Variants in ADNP observed in about 807,000 individuals in gnomAD.
ADNP encodes the protein activity-dependent neuroprotector homeobox protein.
ADNP carries 4 observed loss-of-function variants against 84.9 expected under a neutral mutation model. The ratio of observed to expected loss-of-function variants is 0.05; its 90% confidence interval spans 0.02 to 0.11. The LOEUF (loss-of-function observed/expected upper bound fraction) is 0.11. Among genes scored for constraint, ADNP ranks in the 10% least tolerant of loss-of-function variants. ADNP has a pLI of 1.00. For missense variants in ADNP, 1,132 were observed against 1,326.0 expected, an observed-to-expected ratio of 0.85 and a Z score of 2.27; for synonymous variants, 554 against 468.1, an observed-to-expected ratio of 1.18 and a Z score of -2.37.
chr20:50,898,116 T>C (rs1461690687), intron 5 of ADNP, among the ~76,000 whole-genome samples: 1 of 152,362 alleles, frequency 6.6e-6, no homozygotes, highest in African/African-American at 2.4e-5. Context: ...TTCAGGCATC[T>C]GTTTCCAGAA....
intron 2 of ADNP, chr20:50,914,389 TAGA>T (rs1983336377): frequency 1.7e-6 from 1 of 587,344 alleles, no homozygotes; most frequent in Admixed American, 2.6e-5. Flanking sequence ...AAGAGAATGG[TAGA>T]AGGTTAAACA....
Position 50,925,736 on chromosome 20 carries a change from G to A in ADNP, c.-90+2915C>T, listed in dbSNP as rs182580376. 1.6e-4 allele frequency among the ~76,000 whole-genome samples: 24 copies of A among 152,328 alleles called. No homozygotes were observed. In the East Asian group the frequency reaches 4.4e-3, roughly 28 times the overall value. Reference sequence around the variant, plus strand: ...AGTTTCCAAACTAACAACATAGAAGGTGTTAACTGGCAGTGAGGTACATCA... The same window carrying A: ...AGTTTCCAAACTAACAACATAGAAGATGTTAACTGGCAGTGAGGTACATCA... On this transcript the variant is annotated intron_variant, in intron 2 of 5. Coordinates refer to ENST00000621696, the MANE Select transcript of ADNP (RefSeq NM_001282531.3).
At chr20:50,926,000 T>C (rs977924669) in intron 2 of ADNP, among the ~76,000 whole-genome samples, 4 of 152,158 alleles carry the variant, frequency 2.6e-5, no homozygotes, top group Non-Finnish European at 5.9e-5. Flanking sequence ...ACTCAGAGGC[T>C]GAGGCAGGAA....
intron 4 of ADNP, among the ~76,000 whole-genome samples, chr20:50,903,569 T>A (rs897249676): frequency 1.3e-5 from 2 of 152,154 alleles, no homozygotes; most frequent in Non-Finnish European, 2.9e-5. Flanking sequence ...ATCTGTGAAG[T>A]GGAGATAAGA....
intron 2 of ADNP, among the ~76,000 whole-genome samples, chr20:50,925,523 A>G (rs1025420789): frequency 6.6e-6 from 1 of 152,170 alleles, no homozygotes; most frequent in Non-Finnish European, 1.5e-5. Flanking sequence ...GGATCAGACA[A>G]ACAACAAAAA....
Position 50,893,587 on chromosome 20 carries a change from C to G in ADNP, c.1127G>C (p.Arg376Thr). The change falls in exon 6 of 6, where the codon AGG becomes ACG. Residue 376 changes from arginine (R) to threonine (T), a missense_variant. Transcript: ENST00000621696. This position sits in a 1 kb window ranked among gnomAD's most constrained non-coding sequence, Gnocchi z 4.4. ...VKQLLPSGNG[R>T]SYGLGSEQRS... ...CTGCTCTGACCCAAGCCCATAAGAC[C>G]TTCCGTTTCCACTTGGAAGTAACTG... 1 of 1,614,160 alleles carries G rather than the reference C, an allele frequency of 6.2e-7. No homozygotes were observed. Among genetic ancestry groups the G allele is most frequent in the East Asian group, 2.2e-5 (1 of 44,890 alleles).
At chr20:50,916,860 A>G (rs1017167294) in intron 2 of ADNP, among the ~76,000 whole-genome samples, 1 of 152,096 alleles carries the variant, frequency 6.6e-6, no homozygotes, top group Non-Finnish European at 1.5e-5. Context: ...AATGAGGGGG[A>G]AAAACAAAAC....
chr20:50,914,732 T>C (rs1166637045), intron 2 of ADNP, among the ~76,000 whole-genome samples: 17 of 152,208 alleles, frequency 1.1e-4, no homozygotes, highest in Admixed American at 5.9e-4. Flanking sequence ...ATAGCTCCAA[T>C]AGCAACAGGC....
chr20:50,902,851 A>G (rs947413271), intron 4 of ADNP, among the ~76,000 whole-genome samples: 1 of 152,188 alleles, frequency 6.6e-6, no homozygotes, highest in African/African-American at 2.4e-5. Context: ...ACAGAGTGCA[A>G]AGTGAATGGA....
chr20:50,906,896 A>T (rs768344916), intron 2 of ADNP, among the ~76,000 whole-genome samples: 10 of 152,144 alleles, frequency 6.6e-5, no homozygotes, highest in Non-Finnish European at 1.2e-4. Flanking sequence ...TGTACCAAAA[A>T]ATGTTATCTT....
intron 1 of ADNP, among the ~76,000 whole-genome samples, chr20:50,929,044 A>G (rs1392109014): frequency 6.6e-6 from 1 of 151,492 alleles, no homozygotes; most frequent in Non-Finnish European, 1.5e-5. Flanking sequence ...GTTTACCAAC[A>G]AGGCTTTGCA....
intron 2 of ADNP, among the ~76,000 whole-genome samples, chr20:50,908,722 T>C (rs917455365): frequency 1.3e-5 from 2 of 151,826 alleles, no homozygotes; most frequent in South Asian, 2.1e-4. Context: ...TGCAGTGAGC[T>C]GAGATCGAGC....
chr20:50,907,861 G>A (rs1376418497), intron 2 of ADNP, among the ~76,000 whole-genome samples: 1 of 151,642 alleles, frequency 6.6e-6, no homozygotes, highest in Non-Finnish European at 1.5e-5. Context: ...GCCTCCCAAA[G>A]TGCTGGGATT....
At chr20:50,905,920 C>T (rs1005041829) in intron 2 of ADNP, among the ~76,000 whole-genome samples, 2 of 152,140 alleles carry the variant, frequency 1.3e-5, no homozygotes, top group African/African-American at 2.4e-5. Flanking sequence ...TAATTTAAAA[C>T]AGTTAGTACA....
At chr20:50,902,675 A>G (rs974027721) in intron 4 of ADNP, among the ~76,000 whole-genome samples, 1 of 152,222 alleles carries the variant, frequency 6.6e-6, no homozygotes, top group African/African-American at 2.4e-5. Flanking sequence ...CCTCCAGACT[A>G]GGAAGATTAA....
In ADNP at chr20:50,913,999, C is replaced by A. The variant is rs116407174; in HGVS notation, c.-89-9150G>T. ...TGGCCAGAATGAGACTGTAAAAGCC[C>A]TTCTGGGAAAAGGTGCTCAAGTGAA... On this transcript the variant is annotated intron_variant, in intron 2 of 5. Transcript: ENST00000621696. 8.9e-3 allele frequency: 6,680 copies of A among 751,596 alleles called. 338 individuals carry two copies. In the African/African-American group the frequency reaches 0.1, roughly 11 times the overall value. The allele number at this position is 751,596 out of a possible 1,614,324, so 46.6% of individuals were successfully genotyped here.
chr20:50,915,485 C>T (rs1000504367), intron 2 of ADNP, among the ~76,000 whole-genome samples: 1 of 152,156 alleles, frequency 6.6e-6, no homozygotes, highest in Non-Finnish European at 1.5e-5. Flanking sequence ...ACAATCACCC[C>T]ACTCAATCTT....
At position 50,893,543 on chromosome 20, in the gene ADNP, T is replaced by C. The variant is rs1981041550; in HGVS notation, c.1171A>G (p.Arg391Gly). Residue 391 changes from arginine to glycine, a missense_variant, in exon 6 of 6, where the codon AGA (arginine) becomes GGA (glycine). Physicochemically the swap from Arg to Gly is moderately radical, Grantham distance 125. Transcript: ENST00000621696. This position sits in a 1 kb window ranked among gnomAD's most constrained non-coding sequence, Gnocchi z 4.4. ...GCATTAGCAGACTGCAGGGAGTATC[T>C]TGCTGGTGCCTGGGACCTCTGCTCT... ...GSEQRSQAPA[R>G]YSLQSANASS... The C allele has an allele frequency of 2.5e-6, 4 of 1,613,984 alleles. No individual in the cohort carries two copies. The highest frequency in any genetic ancestry group is 3.4e-6 in the Non-Finnish European group (4 of 1,180,018).
At chr20:50,911,510 CTT>C (rs371456557) in intron 2 of ADNP, among the ~76,000 whole-genome samples, 20 of 141,798 alleles carry the variant, frequency 1.4e-4, no homozygotes, top group Admixed American at 2.1e-4. Flanking sequence ...CTTTTCTTTT[CTT>C]TTTTTTTTTT....
Sources: allele counts gnomAD v4.1 joint callset (sites outside exome capture counted in the v4.1 genomes callset), GRCh38; gene constraint gnomAD v4.1.1; non-coding constraint Gnocchi (gnomAD v3.1); transcripts MANE v1.5; gene names NCBI Gene and HGNC (gene_info 2026-07-23, HGNC 2026-07-21).